The following ENTHD1 variants were observed in gnomAD, a reference collection of about 807,000 sequenced individuals.
ENTHD1 encodes the protein ENTH domain containing 1, also known as ENTH domain-containing protein 1.
ENTHD1 carries 23 observed loss-of-function variants against 39.1 expected under a neutral mutation model. That is an observed-to-expected ratio of 0.59 (90% confidence interval 0.42 to 0.83). The LOEUF is 0.83. Ranked by LOEUF, ENTHD1 falls within the 40% of genes least tolerant of loss-of-function variation. The probability of loss-of-function intolerance (pLI) is 0.00; values close to 1 mark genes in which losing one functional copy is unlikely to be tolerated. For missense variants in ENTHD1, 624 were observed against 705.4 expected, an observed-to-expected ratio of 0.88 and a Z score of 1.31; for synonymous variants, 230 against 258.2, an observed-to-expected ratio of 0.89 and a Z score of 1.05.
chr22:39,771,852 C>T (rs1427514949), intron 5 of ENTHD1, among the ~76,000 whole-genome samples: 1 of 151,956 alleles, frequency 6.6e-6, no homozygotes, highest in Admixed American at 6.6e-5. Flanking sequence ...GGAAGTACTT[C>T]GGGTTGAAGA....
Position 39,882,336 on chromosome 22 carries a change from A to C in ENTHD1, c.349+5064T>G, listed in dbSNP as rs41384147. Among the ~76,000 whole-genome samples the C allele has an allele frequency of 7.9e-3, 1,207 of 152,214 alleles. 20 individuals carry two copies. Among genetic ancestry groups the C allele is most frequent in the African/African-American group, 0.027 (1,141 of 41,520 alleles). On this transcript the variant is annotated intron_variant, in intron 2 of 6. Coordinates refer to ENST00000325157, the MANE Select transcript of ENTHD1 (RefSeq NM_152512.4). ...AAGAGTAGTTGGGGATAGAGGGAAA[A>C]AGGATTCTGAGCTAGGATTTGGAGA...
At chr22:39,840,116 T>C (rs567531615) in intron 3 of ENTHD1, among the ~76,000 whole-genome samples, 2 of 152,358 alleles carry the variant, frequency 1.3e-5, no homozygotes, top group South Asian at 2.1e-4. Context: ...TAGTTCCTTA[T>C]AGTTCCTTAG....
In ENTHD1 at chr22:39,876,476, A is replaced by G. The variant is rs577498946; in HGVS notation, c.349+10924T>C. ...TTGCGTCAGGGACGCAGATTCTGCA[A>G]GGTCATTGTTGGGATGAAGTAAAAT... On this transcript the variant is annotated intron_variant, in intron 2 of 6. Coordinates refer to ENST00000325157, the MANE Select transcript of ENTHD1 (RefSeq NM_152512.4). Among the ~76,000 whole-genome samples, 7 of 151,610 alleles carry G rather than the reference A, an allele frequency of 4.6e-5. 1 individual carries two copies. In the South Asian group the frequency reaches 1.5e-3, roughly 32 times the overall value.
intron 6 of ENTHD1, among the ~76,000 whole-genome samples, chr22:39,748,240 C>T (rs2065121841): frequency 6.7e-6 from 1 of 148,150 alleles, no homozygotes; most frequent in African/African-American, 2.5e-5. Flanking sequence ...AAGGGTGAGA[C>T]CCTGTCTCCA....
At chr22:39,760,818 G>C (rs2146548586) in intron 6 of ENTHD1, among the ~76,000 whole-genome samples, 1 of 152,072 alleles carries the variant, frequency 6.6e-6, no homozygotes, top group East Asian at 1.9e-4. Context: ...CTTATCGTGA[G>C]TTAATCATAG....
intron 5 of ENTHD1, among the ~76,000 whole-genome samples, chr22:39,812,029 C>T (rs2065692274): frequency 6.8e-6 from 1 of 146,400 alleles, no homozygotes; most frequent in African/African-American, 2.5e-5. Context: ...AAAAAAACGA[C>T]ATAGATGAAA....
intron 5 of ENTHD1, among the ~76,000 whole-genome samples, chr22:39,776,539 A>G (rs2065366727): frequency 6.6e-6 from 1 of 152,164 alleles, no homozygotes; most frequent in Non-Finnish European, 1.5e-5. Context: ...GCAAAATGGG[A>G]CTTTGACACA....
intron 5 of ENTHD1, among the ~76,000 whole-genome samples, chr22:39,786,641 A>G (rs2065461182): frequency 6.6e-6 from 1 of 151,988 alleles, no homozygotes; most frequent in African/African-American, 2.4e-5. Context: ...ATAGATCTCC[A>G]GGACATGTTC....
intron 6 of ENTHD1, among the ~76,000 whole-genome samples, chr22:39,758,824 G>C (rs2065207218): frequency 6.6e-6 from 1 of 152,144 alleles, no homozygotes. Flanking sequence ...TTGTAAATGA[G>C]TGTAGAATTT....
At chr22:39,782,396 T>C (rs1489422696) in intron 5 of ENTHD1, among the ~76,000 whole-genome samples, 2 of 151,710 alleles carry the variant, frequency 1.3e-5, no homozygotes, top group Non-Finnish European at 2.9e-5. Context: ...AAAGAACTAA[T>C]AGCAACTCTA....
chr22:39,787,362 A>G (rs537437804), intron 5 of ENTHD1, among the ~76,000 whole-genome samples: 1 of 152,302 alleles, frequency 6.6e-6, no homozygotes, highest in East Asian at 1.9e-4. Flanking sequence ...TTCAAGTGAA[A>G]GGAAGAGTCA....
chr22:39,878,876 A>ATTTT, intron 2 of ENTHD1, among the ~76,000 whole-genome samples: 1 of 152,154 alleles, frequency 6.6e-6, no homozygotes, highest in Non-Finnish European at 1.5e-5. Context: ...AATAAGTAAC[A>ATTTT]GCAATGATAC....
chr22:39,858,350 C>G (rs1422045678), intron 3 of ENTHD1, among the ~76,000 whole-genome samples: 1 of 152,208 alleles, frequency 6.6e-6, no homozygotes, highest in Non-Finnish European at 1.5e-5. Flanking sequence ...TTCTAGTTCT[C>G]TTGCTATTTC....
At chr22:39,753,982 G>A (rs2065165887) in intron 6 of ENTHD1, among the ~76,000 whole-genome samples, 1 of 151,954 alleles carries the variant, frequency 6.6e-6, no homozygotes, top group South Asian at 2.1e-4. Flanking sequence ...AACCAGTCTA[G>A]ATCCCCATTC....
intron 3 of ENTHD1, among the ~76,000 whole-genome samples, chr22:39,858,988 C>T (rs1257586202): frequency 6.6e-6 from 1 of 152,134 alleles, no homozygotes; most frequent in East Asian, 1.9e-4. Flanking sequence ...TAGTGTAGCC[C>T]CCTTCATCAA....
intron 6 of ENTHD1, among the ~76,000 whole-genome samples, chr22:39,749,340 T>C (rs2065130908): frequency 6.6e-6 from 1 of 152,246 alleles, no homozygotes; most frequent in South Asian, 2.1e-4. Context: ...GTGTGATATT[T>C]GCACACCAAT....
At chr22:39,762,385 C>T (rs867051223) in intron 6 of ENTHD1, among the ~76,000 whole-genome samples, 4 of 152,016 alleles carry the variant, frequency 2.6e-5, no homozygotes, top group African/African-American at 4.8e-5. Flanking sequence ...ATTTCAGCTA[C>T]TGTATTTTTC....
At chr22:39,775,548 G>A (rs1015142930) in intron 5 of ENTHD1, among the ~76,000 whole-genome samples, 1 of 152,128 alleles carries the variant, frequency 6.6e-6, no homozygotes, top group Non-Finnish European at 1.5e-5. Flanking sequence ...GGGAATAAAA[G>A]AAGGAACAAA....
chr22:39,752,524 A>G lies in ENTHD1; in HGVS notation c.1220-8241T>C, dbSNP rs529404604. 2.6e-5 allele frequency among the ~76,000 whole-genome samples: 4 copies of G among 152,376 alleles called. No individual in the cohort carries two copies. The East Asian group carries it at 7.7e-4, about 29-fold the overall frequency. ...TACACTAAAAGCTACTAAATCATAC[A>G]TTTTAAAAGGATGCATTTTATGGTA... is the stretch of plus-strand genomic sequence containing the variant. On this transcript the variant is annotated intron_variant, in intron 6 of 6. Coordinates refer to ENST00000325157, the MANE Select transcript of ENTHD1 (RefSeq NM_152512.4).
Sources: allele counts gnomAD v4.1 joint callset (sites outside exome capture counted in the v4.1 genomes callset), GRCh38; gene constraint gnomAD v4.1.1; transcripts MANE v1.5; gene names NCBI Gene and HGNC (gene_info 2026-07-23, HGNC 2026-07-21).